Variants in LRRC37A2 observed in about 807,000 individuals in gnomAD.
LRRC37A2 encodes the protein leucine rich repeat containing 37 member A2, also known as leucine-rich repeat-containing protein 37A2.
Under a neutral mutation model 68.8 loss-of-function variants are expected in LRRC37A2, and 9 were observed. The ratio of observed to expected loss-of-function variants is 0.13; its 90% CI spans 0.08 to 0.23. The LOEUF is 0.23. Among genes scored for constraint, LRRC37A2 ranks in the 10% least tolerant of loss-of-function variants. The probability of loss-of-function intolerance (pLI) is 1.00; values close to 1 mark genes in which losing one functional copy is unlikely to be tolerated. For synonymous variants in LRRC37A2, 63 were observed against 367.6 expected (o/e 0.17, Z 9.48); for missense variants, 168 against 950.4 (o/e 0.18, Z 10.82).
At chr17:46,835,942 T>C in the LRRC37A2 span, among the ~76,000 whole-genome samples, 1 of 152,146 alleles carries the variant, frequency 6.6e-6, no homozygotes, top group African/African-American at 2.4e-5. Flanking sequence ...CTGGTGGGGC[T>C]CCTCAGAGGT....
At chr17:46,794,463 G>A in the LRRC37A2 span, among the ~76,000 whole-genome samples, 1 of 152,142 alleles carries the variant, frequency 6.6e-6, no homozygotes, top group Admixed American at 6.5e-5. Context: ...TATTGCACAG[G>A]GCTCAGAGCT....
chr17:46,902,591 C>T, the LRRC37A2 span, among the ~76,000 whole-genome samples: 1 of 151,496 alleles, frequency 6.6e-6, no homozygotes, highest in African/African-American at 2.4e-5. Flanking sequence ...AGCAGTCAGT[C>T]CAGGGGGAAA....
the LRRC37A2 span, among the ~76,000 whole-genome samples, chr17:46,996,210 C>A: frequency 2.0e-5 from 3 of 152,212 alleles, no homozygotes; most frequent in African/African-American, 7.2e-5. Flanking sequence ...TCCTGACATA[C>A]AGGAACAACG....
chr17:46,962,072 C>T, the LRRC37A2 span, among the ~76,000 whole-genome samples: 1 of 152,160 alleles, frequency 6.6e-6, no homozygotes, highest in African/African-American at 2.4e-5. Flanking sequence ...TGGCTCATGC[C>T]TGTAATCTCA....
the LRRC37A2 span, among the ~76,000 whole-genome samples, chr17:46,743,039 G>GC: frequency 6.6e-6 from 1 of 152,162 alleles, no homozygotes. Flanking sequence ...GCCCCACGCT[G>GC]CCATGAGTCC....
chr17:47,036,933 G>A, the LRRC37A2 span, among the ~76,000 whole-genome samples: 3 of 82,790 alleles, frequency 3.6e-5, no homozygotes, highest in Non-Finnish European at 8.0e-5. Context: ...CAACCCAAAT[G>A]CCCAACCTAA....
chr17:46,858,142 C>G, the LRRC37A2 span, among the ~76,000 whole-genome samples: 1 of 152,190 alleles, frequency 6.6e-6, no homozygotes, highest in African/African-American at 2.4e-5. Flanking sequence ...GTTGGCCTGG[C>G]TGGTCTTGAA....
chr17:46,543,073 C>T (rs1310970285), intron 8 of LRRC37A2, among the ~76,000 whole-genome samples: 1 of 149,802 alleles, frequency 6.7e-6, no homozygotes, highest in Non-Finnish European at 1.5e-5. Flanking sequence ...TCACTTAGTT[C>T]TCTAAGATAG....
the LRRC37A2 span, among the ~76,000 whole-genome samples, chr17:46,463,934 G>C: frequency 4.4e-5 from 4 of 90,462 alleles, 1 homozygote; most frequent in African/African-American, 1.6e-4. Flanking sequence ...TTTTGTTGAG[G>C]GTAAAATAAT....
At chr17:46,848,224 G>A in the LRRC37A2 span, among the ~76,000 whole-genome samples, 6 of 152,306 alleles carry the variant, frequency 3.9e-5, no homozygotes, top group African/African-American at 1.4e-4. Flanking sequence ...GACTTGGGCT[G>A]TAGTGTGTGT....
At chr17:46,713,883 C>G in the LRRC37A2 span, 1 of 1,612,432 alleles carries the variant, frequency 6.2e-7, no homozygotes, top group Non-Finnish European at 8.5e-7. Context: ...ACTGCTTTAG[C>G]TGCAAAAATT....
chr17:47,012,978 T>C, the LRRC37A2 span, among the ~76,000 whole-genome samples: 13 of 152,342 alleles, frequency 8.5e-5, no homozygotes, highest in Middle Eastern at 6.8e-3. Flanking sequence ...AACTGATGAA[T>C]GGATAGACAA....
chr17:46,809,821 G>A, the LRRC37A2 span, among the ~76,000 whole-genome samples: 1 of 152,062 alleles, frequency 6.6e-6, no homozygotes, highest in East Asian at 1.9e-4. Context: ...TCTCCCAGGG[G>A]CTCTCCAGTG....
chr17:46,856,221 C>T, the LRRC37A2 span, among the ~76,000 whole-genome samples: 1 of 152,154 alleles, frequency 6.6e-6, no homozygotes, highest in African/African-American at 2.4e-5. Context: ...ATGTCTTAAC[C>T]TTGCTGAGCT....
chr17:46,667,012 CAG>C, the LRRC37A2 span, among the ~76,000 whole-genome samples: 1 of 137,340 alleles, frequency 7.3e-6, no homozygotes, highest in Non-Finnish European at 1.6e-5. Flanking sequence ...CTGTCAGTCT[CAG>C]AAGTAATTTG....
the LRRC37A2 span, among the ~76,000 whole-genome samples, chr17:47,048,276 A>G: frequency 1.9e-4 from 29 of 151,592 alleles, no homozygotes; most frequent in South Asian, 5.4e-3. Flanking sequence ...ACCACCCAAA[A>G]TACTTTTAAT....
chr17:46,981,180 G>A, the LRRC37A2 span, among the ~76,000 whole-genome samples: 1 of 152,220 alleles, frequency 6.6e-6, no homozygotes, highest in Non-Finnish European at 1.5e-5. Context: ...GAAAGGGCAT[G>A]GCAAATTGGA....
chr17:46,923,272 G>C, the LRRC37A2 span: 1 of 1,549,674 alleles, frequency 6.5e-7, no homozygotes, highest in Non-Finnish European at 8.7e-7. Flanking sequence ...GAGGCCAGGT[G>C]AGCCTGGCTT....
At chr17:47,011,551 C>CA in the LRRC37A2 span, among the ~76,000 whole-genome samples, 802 of 96,396 alleles carry the variant, frequency 8.3e-3, 8 homozygotes, top group African/African-American at 0.024. Flanking sequence ...GACTCTGTTT[C>CA]AAAAAAAAAA....
Sources: gnomAD v4.1 joint callset for allele counts (sites outside exome capture counted in the v4.1 genomes callset) on GRCh38, gnomAD v4.1.1 for gene constraint, MANE v1.5 for transcripts, NCBI Gene and HGNC (gene_info 2026-07-23, HGNC 2026-07-21) for gene names.